The following NBR1 variants were observed in gnomAD, a reference collection of about 807,000 sequenced individuals.
NBR1 encodes the protein next to BRCA1 gene 1 protein.
NBR1 carries 59 observed loss-of-function variants against 115.5 expected under a neutral mutation model. The observed-to-expected ratio is 0.51, with a 90% CI of 0.41 to 0.63. The LOEUF is 0.63. Among genes scored for constraint, NBR1 ranks in the 30% least tolerant of loss-of-function variants. The pLI is 0.00. For synonymous variants in NBR1, 373 were observed against 414.7 expected (o/e 0.90, Z 1.22); for missense variants, 1,043 against 1,150.5 (o/e 0.91, Z 1.35).
Position 43,177,919 on chromosome 17 carries a change from A to G in NBR1, c.103-17A>G. The G allele has an allele frequency of 6.7e-7, 1 of 1,493,588 alleles. No homozygotes were observed. The highest frequency in any genetic ancestry group is 9.1e-7 in the Non-Finnish European group (1 of 1,102,326). 92.5% of individuals were successfully genotyped at this position (1,493,588 alleles called of 1,614,324 possible). On this transcript the variant is annotated splice_polypyrimidine_tract_variant and intron_variant, in intron 2 of 20. Coordinates refer to ENST00000590996, the MANE Select transcript of NBR1 (RefSeq NM_005899.5). ...TGTACATTATAACCTGCCTTTAAATATGTATCTCTTTTATAGGTAAAAGTT... is the reference window on the plus strand; with the variant it reads ...TGTACATTATAACCTGCCTTTAAATGTGTATCTCTTTTATAGGTAAAAGTT...
Position 43,210,187 on chromosome 17 carries a change from G to T in NBR1, c.*113G>T. On this transcript the variant is annotated 3_prime_UTR_variant, in exon 21 of 21. Transcript: ENST00000590996. The stretch of plus-strand genomic sequence containing the variant: ...TTTTAATCTGATGAATCTGTATAGA[G>T]CCCATCGTTGAGTTACCAAGACAAT... 1 of 986,024 alleles carries T rather than the reference G, an allele frequency of 1.0e-6. No individual in the cohort carries two copies. Among genetic ancestry groups the T allele is most frequent in the South Asian group, 2.8e-5 (1 of 36,112 alleles). The allele number at this position is 986,024 out of a possible 1,614,324, so 61.1% of individuals were successfully genotyped here. A position where few individuals can be genotyped will look rare whatever the true frequency, so the allele number is the denominator to read the frequency against.
At chr17:43,189,858 C>G in intron 8 of NBR1, 56 bp downstream of exon 8, 1 of 1,464,480 alleles carries the variant, frequency 6.8e-7, no homozygotes, top group South Asian at 1.1e-5. Context: ...CTTTTACCTC[C>G]CTGGCTTTCT....
In NBR1 at chr17:43,211,620, C is replaced by G. The variant is rs562340101; in HGVS notation, c.*1546C>G. Reference sequence around the variant, plus strand: ...GGGCCAGGAGGGCCCGGGTTGCTCTCCTGGTTATGTATGTACTTGTACATA... The same window carrying G: ...GGGCCAGGAGGGCCCGGGTTGCTCTGCTGGTTATGTATGTACTTGTACATA... On this transcript the variant is annotated 3_prime_UTR_variant, in exon 21 of 21. Transcript: ENST00000590996. The G allele has an allele frequency of 7.2e-5, 11 of 152,360 alleles. No individual in the cohort carries two copies. Among genetic ancestry groups the G allele is most frequent in the African/African-American group, 2.4e-4 (10 of 41,534 alleles). The allele number at this position is 152,360 out of a possible 1,614,324, so 9.4% of individuals were successfully genotyped here.
chr17:43,202,040 C>T (rs940189667), intron 18 of NBR1, among the ~76,000 whole-genome samples: 2 of 152,026 alleles, frequency 1.3e-5, no homozygotes, highest in Non-Finnish European at 2.9e-5. Context: ...ATTAACCAGG[C>T]ATGGTGGCGG....
At chr17:43,183,282 G>A (rs567465287) in intron 5 of NBR1, among the ~76,000 whole-genome samples, 28 of 151,202 alleles carry the variant, frequency 1.9e-4, no homozygotes, top group Non-Finnish European at 3.5e-4. Context: ...GTGCAGTGGC[G>A]CGACCTTGGC....
chr17:43,206,162 C>T (rs1490332718), intron 20 of NBR1, among the ~76,000 whole-genome samples: 2 of 141,950 alleles, frequency 1.4e-5, no homozygotes, highest in Non-Finnish European at 3.0e-5. Flanking sequence ...GGTGACAGAG[C>T]GAGACTCTGT....
chr17:43,198,942 A>G (rs2057130926), intron 16 of NBR1, among the ~76,000 whole-genome samples: 1 of 152,150 alleles, frequency 6.6e-6, no homozygotes. Flanking sequence ...CAGCCTGGGC[A>G]ACAGAGTGAG....
At position 43,189,634 on chromosome 17, in the gene NBR1, A is replaced by C; in HGVS notation, c.527A>C (p.Lys176Thr). The C allele has an allele frequency of 6.2e-7, 1 of 1,614,034 alleles. No homozygotes were observed. Among genetic ancestry groups the C allele is most frequent in the Non-Finnish European group, 8.5e-7 (1 of 1,179,884 alleles). ...VNETVEKLEQ[K>T]LHEKLVLQNP... The stretch of plus-strand genomic sequence containing the variant: ...GAAACGGTTGAGAAGCTTGAACAGA[A>C]ATTACATGAAAAGCTTGTCCTCCAG... Residue 176 changes from lysine (K) to threonine (T), a missense_variant, in exon 8 of 21, where the codon AAA (lysine) becomes ACA (threonine). Physicochemically the swap from Lys to Thr is moderately conservative, Grantham distance 78 (BLOSUM62 -1). Transcript: ENST00000590996.
In NBR1 at chr17:43,189,664, C is replaced by G. The variant is rs1163350677; in HGVS notation, c.557C>G (p.Pro186Arg). 4.3e-6 allele frequency: 7 copies of G among 1,613,886 alleles called. No individual in the cohort carries two copies. Among genetic ancestry groups the G allele is most frequent in the Non-Finnish European group, 5.9e-6 (7 of 1,179,870 alleles). The stretch of plus-strand genomic sequence containing the variant: ...CATGAAAAGCTTGTCCTCCAGAACC[C>G]ATCCTTGGGTTCTTGTCCCTCAGAA... ...KLHEKLVLQN[P>R]SLGSCPSEVS... The change falls in exon 8 of 21, where the codon CCA becomes CGA. Residue 186 changes from proline (P) to arginine (R), a missense_variant. Physicochemically the swap from Pro to Arg is moderately radical, Grantham distance 103 (BLOSUM62 -2). Coordinates refer to ENST00000590996, the MANE Select transcript of NBR1 (RefSeq NM_005899.5).
At position 43,210,769 on chromosome 17, in the gene NBR1, A is replaced by T; in HGVS notation, c.*695A>T. 1.0e-5 allele frequency: 4 copies of T among 398,550 alleles called. No individual in the cohort carries two copies. 24.7% of individuals were successfully genotyped at this position (398,550 alleles called of 1,614,324 possible). A position where few individuals can be genotyped will look rare whatever the true frequency, so the allele number is the denominator to read the frequency against. ...CAGCACCTATTGAGCAATGTCTATT[A>T]TAGTAATTTTGCATACATTTTTATT... is the stretch of plus-strand genomic sequence containing the variant. On this transcript the variant is annotated 3_prime_UTR_variant, in exon 21 of 21. Transcript: ENST00000590996.
chr17:43,188,407 G>A (rs2056869118), intron 6 of NBR1, among the ~76,000 whole-genome samples: 1 of 152,124 alleles, frequency 6.6e-6, no homozygotes, highest in African/African-American at 2.4e-5. Flanking sequence ...TCATTGTGTA[G>A]GTTGCCCGTT....
At chr17:43,193,768 C>A in intron 12 of NBR1, 130 bp downstream of exon 12, 1 of 944,748 alleles carries the variant, frequency 1.1e-6, no homozygotes, top group Non-Finnish European at 1.5e-6. Flanking sequence ...TCTCCCCCCG[C>A]CCCAACACAT....
At chr17:43,200,824 T>G (rs2057181371) in intron 17 of NBR1, among the ~76,000 whole-genome samples, 1 of 152,054 alleles carries the variant, frequency 6.6e-6, no homozygotes, top group Admixed American at 6.6e-5. Flanking sequence ...ATTATCTGAG[T>G]ATAGTCTGTC....
intron 20 of NBR1, among the ~76,000 whole-genome samples, chr17:43,204,166 G>A (rs368860650): frequency 2.6e-5 from 4 of 151,856 alleles, no homozygotes; most frequent in South Asian, 2.1e-4. Flanking sequence ...TCTCAATCTC[G>A]TGACTTCATG....
intron 20 of NBR1, among the ~76,000 whole-genome samples, chr17:43,205,917 C>CGCCT (rs1460157913): frequency 6.8e-6 from 1 of 147,136 alleles, no homozygotes; most frequent in Non-Finnish European, 1.5e-5. Flanking sequence ...TGGTGGCTCA[C>CGCCT]GCCTGTAATC....
At chr17:43,170,755 C>G (rs2056332055), upstream of NBR1, 1 of 152,240 alleles carries the variant, frequency 6.6e-6, no homozygotes, top group Non-Finnish European at 1.5e-5. Context: ...GGGCACAATT[C>G]TCACGGAAAT....
intron 5 of NBR1, among the ~76,000 whole-genome samples, chr17:43,181,531 G>GAT (rs1555608955): frequency 6.6e-6 from 1 of 151,848 alleles, no homozygotes; most frequent in Non-Finnish European, 1.5e-5. Context: ...AGCCGGGCGT[G>GAT]GGCGGGTGCC....
Position 43,189,041 on chromosome 17 carries a change from G to A in NBR1, c.403-1G>A. 2 of 1,608,156 alleles carry A rather than the reference G, an allele frequency of 1.2e-6. No homozygotes were observed. Among genetic ancestry groups the A allele is most frequent in the Non-Finnish European group, 1.7e-6 (2 of 1,174,616 alleles). ...ACATCTCGGCTTGTGTTTTCTCCCA[G>A]TCGTTTCCACTTGTTCCATGTGACA... On this transcript the variant is annotated splice_acceptor_variant, in intron 6 of 20. Transcript: ENST00000590996. LOFTEE classifies it high-confidence loss of function.
At chr17:43,184,372 C>CTTTTTTTTTTTTTTTTTTTTTT (rs71160024) in intron 5 of NBR1, among the ~76,000 whole-genome samples, 5 of 96,194 alleles carry the variant, frequency 5.2e-5, no homozygotes, top group Non-Finnish European at 8.3e-5. Context: ...AAATACTATT[C>CTTTTTTTTTTTTTTTTTTTTTT]TTTTTTTTTT....
Sources: gnomAD v4.1 joint callset for allele counts (sites outside exome capture counted in the v4.1 genomes callset) on GRCh38, gnomAD v4.1.1 for gene constraint, MANE v1.5 for transcripts, NCBI Gene and HGNC (gene_info 2026-07-23, HGNC 2026-07-21) for gene names.